LNX1: variants seen among roughly 807,000 people sequenced by gnomAD.
LNX1 encodes ligand of numb-protein X 1.
A neutral mutation model predicts 68.4 loss-of-function variants in LNX1; 54 were observed. The ratio of observed to expected loss-of-function variants is 0.79; its 90% confidence interval spans 0.63 to 0.99. The LOEUF (loss-of-function observed/expected upper bound fraction) is 0.99, where lower values mean the gene tolerates loss of function less well. Among genes scored for constraint, LNX1 ranks in the 50% least tolerant of loss-of-function variants. LNX1 has a pLI of 0.00. For synonymous variants in LNX1, 336 were observed against 350.0 expected (o/e 0.96, Z 0.45); for missense variants, 906 against 926.4 (o/e 0.98, Z 0.29).
chr4:53,558,483 C>A (rs1730079307), intron 2 of LNX1, among the ~76,000 whole-genome samples: 1 of 152,168 alleles, frequency 6.6e-6, no homozygotes, highest in Non-Finnish European at 1.5e-5. Flanking sequence ...GAGCTTAAAG[C>A]AAGCATTCAC....
At chr4:53,527,450 A>G (rs767522467) in intron 2 of LNX1, among the ~76,000 whole-genome samples, 6 of 152,192 alleles carry the variant, frequency 3.9e-5, no homozygotes, top group Non-Finnish European at 7.3e-5. Flanking sequence ...ACCCATAATT[A>G]GTCTCTACGA....
At chr4:53,482,136 T>C (rs145684663) in intron 6 of LNX1, among the ~76,000 whole-genome samples, 1 of 152,348 alleles carries the variant, frequency 6.6e-6, no homozygotes, top group Non-Finnish European at 1.5e-5. Context: ...ATATTGCTAA[T>C]TCATTTTTAA....
rs200905735 is a variant in LNX1 at position 53,478,736 on chromosome 4, G to T, written c.1492C>A (p.His498Asn). 1 of 1,613,276 alleles carries T rather than the reference G, an allele frequency of 6.2e-7. No individual in the cohort carries two copies. Among genetic ancestry groups the T allele is most frequent in the Admixed American group, 1.7e-5 (1 of 59,956 alleles). Residue 498 changes from histidine (H) to asparagine (N), a missense_variant, in exon 8 of 11, where the codon CAT (histidine) becomes AAT (asparagine). By Grantham distance (68) the His-to-Asn change is moderately conservative. Transcript: ENST00000263925. ...GERSNTPKPL[H>N]PTITCHEKVV... Reference sequence around the variant, plus strand: ...TTCTCATGACAAGTAATTGTAGGATGGAGGGGCTGAAGGCACAGATGGAAA... The same window carrying T: ...TTCTCATGACAAGTAATTGTAGGATTGAGGGGCTGAAGGCACAGATGGAAA...
chr4:53,470,671 CACAAGCATTCTTAT>C (rs1466117410), intron 9 of LNX1, among the ~76,000 whole-genome samples: 1 of 152,164 alleles, frequency 6.6e-6, no homozygotes, highest in Non-Finnish European at 1.5e-5. Flanking sequence ...GTGCAAAAAT[CACAAGCATTCTTAT>C]ACACCAATAA....
chr4:53,553,106 G>A (rs773612204), intron 2 of LNX1, among the ~76,000 whole-genome samples: 15 of 152,268 alleles, frequency 9.9e-5, no homozygotes, highest in Admixed American at 2.6e-4. Context: ...GCCCTGACCT[G>A]TGCAGAAGCT....
chr4:53,550,575 T>C (rs1330034600), intron 2 of LNX1, among the ~76,000 whole-genome samples: 1 of 152,212 alleles, frequency 6.6e-6, no homozygotes, highest in Non-Finnish European at 1.5e-5. Flanking sequence ...GTGTTGGGAA[T>C]GGCTAACACA....
At chr4:53,597,595 G>A (rs1327261039) in intron 2 of LNX1, among the ~76,000 whole-genome samples, 6 of 152,120 alleles carry the variant, frequency 3.9e-5, no homozygotes, top group Admixed American at 2.0e-4. Flanking sequence ...TCTCTTTCCT[G>A]TCTTGAAAGT....
At chr4:53,628,201 A>T (rs2109868500) in intron 1 of LNX1, among the ~76,000 whole-genome samples, 1 of 152,318 alleles carries the variant, frequency 6.6e-6, no homozygotes, top group Non-Finnish European at 1.5e-5. Flanking sequence ...CATCAGGAGA[A>T]ACAGACAACC....
chr4:53,523,586 C>G (rs1432178075), intron 2 of LNX1, among the ~76,000 whole-genome samples: 1 of 152,194 alleles, frequency 6.6e-6, no homozygotes, highest in Non-Finnish European at 1.5e-5. Context: ...AGCACCTGGC[C>G]TCAAGCTGTA....
Position 53,609,705 on chromosome 4 carries a change from C to T in LNX1, c.-215+6812G>A, listed in dbSNP as rs1351292201. 5.8e-5 allele frequency among the ~76,000 whole-genome samples: 8 copies of T among 137,996 alleles called. No individual in the cohort carries two copies. The Admixed American group carries it at 6.0e-4, about 10-fold the overall frequency. The allele number at this position is 137,996 out of a possible 152,430, so 90.5% of individuals were successfully genotyped here. ...GTACTATTATAATACTATTATAGTACTATTATAATATATAGTACAATATAT... is the reference window on the plus strand; with the variant it reads ...GTACTATTATAATACTATTATAGTATTATTATAATATATAGTACAATATAT... On this transcript the variant is annotated intron_variant, in intron 2 of 3. Coordinates refer to the LNX1 transcript ENST00000504299.
chr4:53,629,490 C>T (rs1734191421), intron 1 of LNX1, among the ~76,000 whole-genome samples: 1 of 152,214 alleles, frequency 6.6e-6, no homozygotes, highest in South Asian at 2.1e-4. Flanking sequence ...TGGGTTCATC[C>T]CAGGACCTGG....
chr4:53,636,302 T>C (rs1319020154), intron 1 of LNX1, among the ~76,000 whole-genome samples: 1 of 147,920 alleles, frequency 6.8e-6, no homozygotes, highest in Non-Finnish European at 1.5e-5. Flanking sequence ...AAAATTAGCA[T>C]GCACCTCCTT....
At chr4:53,537,171 A>G (rs1000756420) in intron 2 of LNX1, among the ~76,000 whole-genome samples, 2 of 152,234 alleles carry the variant, frequency 1.3e-5, no homozygotes, top group African/African-American at 4.8e-5. Context: ...ATAAAAGTGC[A>G]TGTATTAATA....
At position 53,545,848 on chromosome 4, in the gene LNX1, C is replaced by T. The variant is rs373582961; in HGVS notation, c.380+27775G>A. On this transcript the variant is annotated intron_variant, in intron 2 of 10. Coordinates refer to ENST00000263925, the MANE Select transcript of LNX1 (RefSeq NM_001126328.3). ...TTTGAGACAGGGTCTTACTCTGTCG[C>T]CCAGGCTGGAGTACAATGGTGCTAT... Among the ~76,000 whole-genome samples the T allele has an allele frequency of 7.4e-5, 11 of 147,782 alleles. No individual in the cohort carries two copies. The Admixed American group carries it at 7.5e-4, about 10-fold the overall frequency.
At chr4:53,638,435 T>C (rs1279117407) in intron 1 of LNX1, among the ~76,000 whole-genome samples, 2 of 152,180 alleles carry the variant, frequency 1.3e-5, no homozygotes, top group African/African-American at 4.8e-5. Flanking sequence ...CTCATGGTGC[T>C]TTTGTGGTTA....
At chr4:53,634,977 T>C (rs892162818) in intron 1 of LNX1, among the ~76,000 whole-genome samples, 2 of 151,736 alleles carry the variant, frequency 1.3e-5, no homozygotes, top group African/African-American at 2.4e-5. Context: ...AGGTGCACAC[T>C]ACCATATACA....
chr4:53,602,765 C>T (rs1457473432), intron 2 of LNX1: 1 of 152,210 alleles, frequency 6.6e-6, no homozygotes, highest in African/African-American at 2.4e-5. Context: ...GTCTGATCAC[C>T]TGGATTGGGC....
At chr4:53,643,737 G>A (rs1475129813) in intron 1 of LNX1, among the ~76,000 whole-genome samples, 3 of 152,176 alleles carry the variant, frequency 2.0e-5, no homozygotes, top group Non-Finnish European at 4.4e-5. Flanking sequence ...TGGGCAGCTT[G>A]CTAAAGCTCT....
At chr4:53,514,416 CT>C (rs1248620722) in intron 2 of LNX1, among the ~76,000 whole-genome samples, 5 of 152,234 alleles carry the variant, frequency 3.3e-5, no homozygotes, top group African/African-American at 1.2e-4. Context: ...TCCCACCTGG[CT>C]GGGGAGGCCT....
Sources: allele counts gnomAD v4.1 joint callset (sites outside exome capture counted in the v4.1 genomes callset), GRCh38; gene constraint gnomAD v4.1.1; transcripts MANE v1.5; gene names NCBI Gene and HGNC (gene_info 2026-07-23, HGNC 2026-07-21).